Variants in SLC39A12 observed in about 807,000 individuals in gnomAD.
The protein encoded by SLC39A12 is solute carrier family 39 member 12, also known as zinc transporter ZIP12.
In SLC39A12, 63 loss-of-function variants were observed where a neutral mutation model predicts 71.1. That is an observed-to-expected ratio of 0.89 (90% CI 0.72 to 1.09). The LOEUF (loss-of-function observed/expected upper bound fraction) is 1.09. SLC39A12 is among the 50% of genes least tolerant of loss of function. The pLI, the probability that SLC39A12 is intolerant of heterozygous loss-of-function variation, is 0.00. For missense variants in SLC39A12, 892 were observed against 812.6 expected (o/e 1.10, Z -1.19); for synonymous variants, 351 against 301.3 (o/e 1.16, Z -1.71).
intron 4 of SLC39A12, among the ~76,000 whole-genome samples, 155 bp downstream of exon 4, chr10:17,965,845 T>C (rs550543632): frequency 5.9e-5 from 9 of 152,350 alleles, no homozygotes; most frequent in African/African-American, 1.9e-4. Flanking sequence ...TTATGTGGCC[T>C]TTCAAGGCAA....
intron 4 of SLC39A12, among the ~76,000 whole-genome samples, chr10:17,977,383 A>C (rs561886776): frequency 3.9e-5 from 6 of 152,188 alleles, no homozygotes; most frequent in Admixed American, 3.3e-4. Context: ...ATAAGTAAGA[A>C]GATGTATAAA....
rs1835156582 is a variant in SLC39A12 at position 17,978,013 on chromosome 10, A to G, written c.863A>G (p.Tyr288Cys). 1 of 1,606,626 alleles carries G rather than the reference A, an allele frequency of 6.2e-7. No individual in the cohort carries two copies. The highest frequency in any genetic ancestry group is 1.7e-5 in the Admixed American group (1 of 58,412). Residue 288 changes from tyrosine (Y) to cysteine (C), a missense_variant, in exon 5 of 13, where the codon TAT (tyrosine) becomes TGT (cysteine). Physicochemically the swap from Tyr to Cys is radical, Grantham distance 194 (BLOSUM62 -2). Transcript: ENST00000377369. ...QNNIITHDQD[Y>C]SNFSSSMEKE... is the part of the protein sequence containing the mutation. ...AACATAATAACCCATGATCAGGACTATTCTAATTTCTCTTCATCCATGGAA... is the reference window on the plus strand; with the variant it reads ...AACATAATAACCCATGATCAGGACTGTTCTAATTTCTCTTCATCCATGGAA...
chr10:18,004,887 C>T (rs965509519), intron 12 of SLC39A12, among the ~76,000 whole-genome samples: 3 of 152,114 alleles, frequency 2.0e-5, no homozygotes, highest in Non-Finnish European at 4.4e-5. Flanking sequence ...TGGAATAATA[C>T]GCTGCCATAA....
chr10:18,034,935 G>A (rs1157741018), intron 12 of SLC39A12, among the ~76,000 whole-genome samples: 1 of 151,936 alleles, frequency 6.6e-6, no homozygotes, highest in Non-Finnish European at 1.5e-5. Flanking sequence ...ATGAAATTCT[G>A]GATTGAAAAT....
At chr10:17,992,608 G>T (rs963417815) in intron 8 of SLC39A12, among the ~76,000 whole-genome samples, 1 of 152,104 alleles carries the variant, frequency 6.6e-6, no homozygotes, top group Non-Finnish European at 1.5e-5. Flanking sequence ...TTCTGGGTTG[G>T]GAAAACTAAA....
chr10:18,025,017 C>T (rs1836635509), intron 12 of SLC39A12, among the ~76,000 whole-genome samples: 2 of 152,068 alleles, frequency 1.3e-5, no homozygotes, highest in African/African-American at 2.4e-5. Flanking sequence ...GTAGTTTGGT[C>T]TCGTTTCTTG....
rs1474839770 is a variant in SLC39A12 at position 18,013,804 on chromosome 10, T to G, written c.1947+10446T>G. ...TGTGCAAGACTTTGTTTCTGGGTTCTCCATTCTCTTCTCTTGGTCTATATG... is the reference window on the plus strand; with the variant it reads ...TGTGCAAGACTTTGTTTCTGGGTTCGCCATTCTCTTCTCTTGGTCTATATG... On this transcript the variant is annotated intron_variant, in intron 12 of 12. Coordinates refer to ENST00000377369, the MANE Select transcript of SLC39A12 (RefSeq NM_001145195.2). 2.0e-5 allele frequency among the ~76,000 whole-genome samples: 3 copies of G among 152,228 alleles called. No homozygotes were observed. The East Asian group carries it at 5.8e-4, about 29-fold the overall frequency.
At chr10:18,022,566 G>T (rs1402421312) in intron 12 of SLC39A12, among the ~76,000 whole-genome samples, 4 of 152,076 alleles carry the variant, frequency 2.6e-5, no homozygotes, top group African/African-American at 9.7e-5. Context: ...CTTGGAATGG[G>T]TTTCAACTTC....
chr10:17,978,075 G>T lies in SLC39A12; in HGVS notation c.924+1G>T. On this transcript the variant is annotated splice_donor_variant, in intron 5 of 12. Coordinates refer to ENST00000377369, the MANE Select transcript of SLC39A12 (RefSeq NM_001145195.2). LOFTEE classifies it high-confidence loss of function. ...GGATGGTCCAGTTTCCTGGGATCAG[G>T]TATTGCCATTGTTTCTCTTATTCAA... The T allele has an allele frequency of 1.3e-6, 2 of 1,559,912 alleles. No individual in the cohort carries two copies. Among genetic ancestry groups the T allele is most frequent in the East Asian group, 2.4e-5 (1 of 42,138 alleles).
intron 12 of SLC39A12, among the ~76,000 whole-genome samples, chr10:18,030,584 G>A (rs908379595): frequency 1.3e-5 from 2 of 150,718 alleles, no homozygotes; most frequent in East Asian, 1.9e-4. Context: ...CATAGAACCA[G>A]TACTGTGATA....
intron 10 of SLC39A12, among the ~76,000 whole-genome samples, chr10:17,997,022 C>CAAAA (rs71924913): frequency 0.15 from 17,236 of 114,966 alleles, 1,540 homozygotes; most frequent in Non-Finnish European, 0.18. Flanking sequence ...GACTCCGTCT[C>CAAAA]AAAAAAAAAA....
intron 12 of SLC39A12, among the ~76,000 whole-genome samples, chr10:18,023,973 C>T (rs570175222): frequency 6.6e-6 from 1 of 152,280 alleles, no homozygotes; most frequent in East Asian, 1.9e-4. Flanking sequence ...AAGTCTTAGA[C>T]CCTTTGCTCT....
chr10:18,036,776 A>T (rs1382154356), intron 12 of SLC39A12, among the ~76,000 whole-genome samples: 84 of 8,222 alleles, frequency 0.01, 3 homozygotes, highest in African/African-American at 0.026. Flanking sequence ...ATATATATAT[A>T]TATATATATA....
chr10:17,997,836 G>A (rs1413663780), intron 10 of SLC39A12, among the ~76,000 whole-genome samples: 3 of 152,126 alleles, frequency 2.0e-5, no homozygotes, highest in Non-Finnish European at 4.4e-5. Flanking sequence ...AAAGCACAGT[G>A]ATACCACTTC....
At chr10:17,963,786 G>T (rs1834753130) in intron 3 of SLC39A12, among the ~76,000 whole-genome samples, 1 of 152,140 alleles carries the variant, frequency 6.6e-6, no homozygotes, top group Admixed American at 6.5e-5. Context: ...GTCTTGGTCT[G>T]CACGGGACCC....
Position 18,042,834 on chromosome 10 carries a change from G to A in SLC39A12, c.*1G>A. 1 of 1,602,946 alleles carries A rather than the reference G, an allele frequency of 6.2e-7. No individual in the cohort carries two copies. Among genetic ancestry groups the A allele is most frequent in the Non-Finnish European group, 8.5e-7 (1 of 1,175,902 alleles). ...ATATGAGCAAAATATTAAAATATAA[G>A]TGAGGATCTTCAACATCTTTCAAAA... On this transcript the variant is annotated 3_prime_UTR_variant, in exon 13 of 13. Transcript: ENST00000377369.
chr10:17,980,286 A>G (rs1835218333), intron 5 of SLC39A12, among the ~76,000 whole-genome samples: 2 of 152,202 alleles, frequency 1.3e-5, no homozygotes, highest in Non-Finnish European at 2.9e-5. Flanking sequence ...GGGGAAAAAG[A>G]CAAACAGCAA....
At chr10:17,983,761 G>A (rs1013747193) in intron 6 of SLC39A12, among the ~76,000 whole-genome samples, 10 of 152,224 alleles carry the variant, frequency 6.6e-5, no homozygotes, top group African/African-American at 2.4e-4. Context: ...CAGCCTGGGC[G>A]ACAGGGAGAG....
chr10:18,022,065 T>A (rs1836549073), intron 12 of SLC39A12, among the ~76,000 whole-genome samples: 2 of 152,172 alleles, frequency 1.3e-5, no homozygotes, highest in Admixed American at 6.5e-5. Flanking sequence ...TCTTTTGTGT[T>A]GACCTTGAAG....
Sources: gnomAD v4.1 joint callset for allele counts (sites outside exome capture counted in the v4.1 genomes callset) on GRCh38, gnomAD v4.1.1 for gene constraint, MANE v1.5 for transcripts, NCBI Gene and HGNC (gene_info 2026-07-23, HGNC 2026-07-21) for gene names.